The following SYNE1 variants were observed in gnomAD, a reference collection of about 807,000 sequenced individuals.
SYNE1 encodes the protein nesprin-1.
Under a neutral mutation model 1,111.0 loss-of-function variants are expected in SYNE1, and 616 were observed. The observed-to-expected ratio is 0.55, with a 90% CI of 0.52 to 0.59. SYNE1 has a LOEUF of 0.59. Ranked by LOEUF, SYNE1 falls within the 20% of genes least tolerant of loss-of-function variation. The probability of loss-of-function intolerance (pLI) is 0.00; values close to 1 mark genes in which losing one functional copy is unlikely to be tolerated. For missense variants in SYNE1, 10,006 were observed against 10,417.0 expected (o/e 0.96, Z 1.72); for synonymous variants, 3,855 against 3,825.8 (o/e 1.01, Z -0.28).
chr6:152,520,732 T>C (rs2099134853), intron 5 of SYNE1, among the ~76,000 whole-genome samples, 190 bp from the exon 6 acceptor site: 1 of 152,202 alleles, frequency 6.6e-6, no homozygotes, highest in Non-Finnish European at 1.5e-5. Flanking sequence ...GATATACTAA[T>C]TCACTCAATA....
In SYNE1 at chr6:152,219,063, A is replaced by G. The variant is rs779374633; in HGVS notation, c.21984T>C (p.Ser7328=). Residue 7328 remains serine (S), a synonymous_variant, in exon 120 of 146, where the codon TCT becomes TCC. Coordinates refer to ENST00000367255, the MANE Select transcript of SYNE1 (RefSeq NM_182961.4). The stretch of plus-strand genomic sequence containing the variant: ...CCAGGGCACACAAGTGTTGACTCAA[A>G]GAGAGTTGATCCGATTGAATAGCTG... ...AASAIQSDQL[S]LSQHLCALEQ... 6.2e-7 allele frequency: 1 copy of G among 1,614,182 alleles called. No homozygotes were observed. Among genetic ancestry groups the G allele is most frequent in the Admixed American group, 1.7e-5 (1 of 60,022 alleles).
intron 3 of SYNE1, among the ~76,000 whole-genome samples, chr6:152,548,772 C>A (rs973273777): frequency 6.6e-6 from 1 of 152,160 alleles, no homozygotes; most frequent in African/African-American, 2.4e-5. Context: ...ACTATGCATC[C>A]TTCTTTTGTA....
rs765875533 is a variant in SYNE1, at chr6:152,297,317, C to T, written c.17683-3190G>A. Among the ~76,000 whole-genome samples the T allele has an allele frequency of 4.6e-5, 7 of 152,266 alleles. No individual in the cohort carries two copies. The South Asian group carries it at 6.2e-4, about 14-fold the overall frequency. ...ACTGCACTCCAACTGCCTAACTGTG[C>T]TCCTCCCTTAAAACTAAAGGGGGCC... On this transcript the variant is annotated intron_variant, in intron 93 of 145. Transcript: ENST00000367255.
Position 152,442,306 on chromosome 6 carries a change from C to T in SYNE1, c.3838-61G>A, listed in dbSNP as rs553400202. 2.1e-5 allele frequency: 33 copies of T among 1,591,572 alleles called. No homozygotes were observed. The Admixed American group carries it at 4.0e-4, about 19-fold the overall frequency. On this transcript the variant is annotated intron_variant, in intron 30 of 145. Transcript: ENST00000367255. Reference sequence around the variant, plus strand: ...TGCTCTCTAAACAGCTAAGTAGGGACATCAACACCCACGCTTAACAGAAGT... The same window carrying T: ...TGCTCTCTAAACAGCTAAGTAGGGATATCAACACCCACGCTTAACAGAAGT...
At chr6:152,187,713 TAC>T (rs1293465546) in intron 128 of SYNE1, among the ~76,000 whole-genome samples, 1 of 133,530 alleles carries the variant, frequency 7.5e-6, no homozygotes, top group Admixed American at 7.4e-5. Flanking sequence ...TAAATCTTTA[TAC>T]AGTTTGTGTG....
intron 122 of SYNE1, 114 bp downstream of exon 122, chr6:152,214,792 G>T: frequency 7.1e-7 from 1 of 1,409,144 alleles, no homozygotes; most frequent in Non-Finnish European, 9.9e-7. Flanking sequence ...AGAACTGTGA[G>T]ACTGTTCAAC....
At chr6:152,408,835 C>A (rs1307130744) in intron 44 of SYNE1, among the ~76,000 whole-genome samples, 1 of 152,054 alleles carries the variant, frequency 6.6e-6, no homozygotes, top group Non-Finnish European at 1.5e-5. Flanking sequence ...TGCCTGTAAT[C>A]CCAGCTACTC....
chr6:152,336,564 A>G (rs2153988172), intron 76 of SYNE1: 3 of 485,978 alleles, frequency 6.2e-6, no homozygotes, highest in Non-Finnish European at 1.1e-5. Flanking sequence ...TAGGGTTTGC[A>G]CTCCTATGAG....
At chr6:152,428,936 A>T (rs2098401210) in intron 36 of SYNE1, among the ~76,000 whole-genome samples, 1 of 152,058 alleles carries the variant, frequency 6.6e-6, no homozygotes, top group African/African-American at 2.4e-5. Flanking sequence ...AATTTAGGTA[A>T]CTTGTGAAGA....
rs781253788 is a variant in SYNE1 at position 152,213,736 on chromosome 6, T to G, written c.22370A>C (p.Gln7457Pro). The G allele has an allele frequency of 2.5e-6, 4 of 1,613,976 alleles. No homozygotes were observed. The African/African-American group carries it at 5.3e-5, about 22-fold the overall frequency. The change falls in exon 123 of 146, where the codon CAA becomes CCA. Residue 7457 changes from glutamine to proline, a missense_variant. Transcript: ENST00000367255. ...RFSKLQSFLL[Q>P]HQTFLEKCET... ...ACATTTTTCCAAGAAAGTCTGATGT[T>G]GTAGCAAAAATGACTGCAACTTGCT...
rs2098810928 is a variant in SYNE1, at chr6:152,472,300, C to T, written c.1463+1G>A. The T allele has an allele frequency of 1.2e-6, 2 of 1,610,208 alleles. No individual in the cohort carries two copies. The highest frequency in any genetic ancestry group is 2.2e-5 in the East Asian group (1 of 44,878). ...TCCTTTAAATGCAGATATTCTCTTACCTCTCGGCCATGTCCTCTAATTGAT... is the reference window on the plus strand; with the variant it reads ...TCCTTTAAATGCAGATATTCTCTTATCTCTCGGCCATGTCCTCTAATTGAT... On this transcript the variant is annotated splice_donor_variant, in intron 15 of 145. Transcript: ENST00000367255. LOFTEE classifies it high-confidence loss of function.
chr6:152,384,740 G>C lies in SYNE1; in HGVS notation c.8652+934C>G, dbSNP rs77997996. The stretch of plus-strand genomic sequence containing the variant: ...AAATAAATACAAAAGTTAGCCAGAC[G>C]TGGTGGTCAGCACCTGTAATCGCAG... On this transcript the variant is annotated intron_variant, in intron 55 of 145. Coordinates refer to ENST00000367255, the MANE Select transcript of SYNE1 (RefSeq NM_182961.4). 3.3e-5 allele frequency among the ~76,000 whole-genome samples: 5 copies of C among 152,114 alleles called. 1 individual carries two copies. The South Asian group carries it at 6.2e-4, about 19-fold the overall frequency.
chr6:152,413,248 A>G (rs1454413272), intron 42 of SYNE1, 104 bp downstream of exon 42: 7 of 1,213,886 alleles, frequency 5.8e-6, no homozygotes, highest in Non-Finnish European at 8.6e-6. Context: ...TAAAATGGTA[A>G]AAGATATTTA....
intron 115 of SYNE1, among the ~76,000 whole-genome samples, chr6:152,227,005 TA>T (rs1248943961): frequency 6.6e-6 from 1 of 152,188 alleles, no homozygotes; most frequent in African/African-American, 2.4e-5. Context: ...ACCTCAATTG[TA>T]TAAAAAATAT....
intron 101 of SYNE1, among the ~76,000 whole-genome samples, chr6:152,258,176 G>A (rs1222311984): frequency 1.3e-5 from 2 of 152,102 alleles, no homozygotes; most frequent in African/African-American, 4.8e-5. Flanking sequence ...CCAATATAGA[G>A]GCAACTAGCT....
rs368647352 is a variant in SYNE1, at chr6:152,362,273, C to T, written c.10196G>A (p.Arg3399Gln). ...ACTATCCATCCAACCGGAGAACTGT[C>T]GAACGCCATCCTGATAACTTGTCCA... Reference protein sequence around the residue: ...SKWTSYQDGVRQFSGWMDSME... With the variant: ...SKWTSYQDGVQQFSGWMDSME... The change falls in exon 64 of 146, where the codon CGA (arginine) becomes CAA (glutamine). Residue 3399 changes from arginine (R) to glutamine (Q), a missense_variant. Transcript: ENST00000367255. 1.8e-5 allele frequency: 29 copies of T among 1,614,086 alleles called. No homozygotes were observed. Among genetic ancestry groups the T allele is most frequent in the African/African-American group, 4.0e-5 (3 of 74,920 alleles).
intron 91 of SYNE1, among the ~76,000 whole-genome samples, chr6:152,304,455 C>T (rs191743416): frequency 2.0e-5 from 3 of 152,326 alleles, no homozygotes; most frequent in Admixed American, 1.3e-4. Context: ...TTGCCTCAGC[C>T]TCCCAAGTAG....
At chr6:152,463,652 A>C (rs2098747182) in intron 18 of SYNE1, 135 bp from the exon 19 acceptor site, 3 of 816,548 alleles carry the variant, frequency 3.7e-6, no homozygotes, top group Non-Finnish European at 6.1e-6. Context: ...AAATCTCTTT[A>C]AAATGCACAT....
Position 152,284,151 on chromosome 6 carries a change from T to A in SYNE1, c.18034A>T (p.Met6012Leu). Residue 6012 changes from methionine (M) to leucine (L), a missense_variant, in exon 96 of 146, where the codon ATG (methionine) becomes TTG (leucine). Met to Leu is a conservative substitution (Grantham distance 15, BLOSUM62 2). Coordinates refer to ENST00000367255, the MANE Select transcript of SYNE1 (RefSeq NM_182961.4). ...AGCTCATTGATTTCATCCTGGAGCA[T>A]GAGAATCTCATCCATCAATGCCTGG... is the stretch of plus-strand genomic sequence containing the variant. ...EHQALMDEIL[M>L]LQDEINELQS... 6.2e-7 allele frequency: 1 copy of A among 1,613,446 alleles called. No individual in the cohort carries two copies. Among genetic ancestry groups the A allele is most frequent in the Non-Finnish European group, 8.5e-7 (1 of 1,179,364 alleles).
Sources: allele counts gnomAD v4.1 joint callset (sites outside exome capture counted in the v4.1 genomes callset), GRCh38; gene constraint gnomAD v4.1.1; transcripts MANE v1.5; gene names NCBI Gene and HGNC (gene_info 2026-07-23, HGNC 2026-07-21).